The following VCAN variants were observed in gnomAD, a reference collection of about 807,000 sequenced individuals.
The protein encoded by VCAN is versican, also known as versican core protein.
Under a neutral mutation model 245.5 loss-of-function variants are expected in VCAN, and 44 were observed. That is an observed-to-expected ratio of 0.18 (90% confidence interval 0.14 to 0.23). The LOEUF (loss-of-function observed/expected upper bound fraction) is 0.23. Ranked by LOEUF, VCAN falls within the 10% of genes least tolerant of loss-of-function variation. The probability of loss-of-function intolerance (pLI) is 1.00; values close to 1 mark genes in which losing one functional copy is unlikely to be tolerated. For missense variants in VCAN, 3,793 were observed against 4,057.9 expected, an observed-to-expected ratio of 0.93 and a Z score of 1.77; for synonymous variants, 1,413 against 1,437.0, an observed-to-expected ratio of 0.98 and a Z score of 0.38.
intron 9 of VCAN, 49 bp downstream of exon 9, chr5:83,545,699 A>G (rs755160965): frequency 3.0e-6 from 4 of 1,346,556 alleles, no homozygotes; most frequent in Non-Finnish European, 4.3e-6. Flanking sequence ...CAGAAGATAT[A>G]TTGGGGGAGA....
chr5:83,546,086 A>G (rs969206828), intron 9 of VCAN, among the ~76,000 whole-genome samples: 1 of 152,130 alleles, frequency 6.6e-6, no homozygotes, highest in Non-Finnish European at 1.5e-5. Context: ...CTCATTTGGA[A>G]TGGGAAAGAC....
chr5:83,493,718 C>T lies in VCAN; in HGVS notation c.618C>T (p.Val206=). ...CAGGCTGGCTGGCTGATCAGACTGT[C>T]AGGTAAGAGGTCTGGGGGCCACAGG... ...CDAGWLADQT[V]RYPIRAPRVG... Residue 206 remains valine (V), a splice_region_variant and synonymous_variant, in exon 4 of 15, where the codon GTC becomes GTT. Transcript: ENST00000265077. 6.2e-7 allele frequency: 1 copy of T among 1,614,068 alleles called. No homozygotes were observed. Among genetic ancestry groups the T allele is most frequent in the South Asian group, 1.1e-5 (1 of 91,074 alleles).
chr5:83,501,784 C>G (rs1196265846), intron 5 of VCAN, among the ~76,000 whole-genome samples: 2 of 152,040 alleles, frequency 1.3e-5, no homozygotes, highest in Non-Finnish European at 2.9e-5. Context: ...TTCTTGAGTT[C>G]CCACATGAAT....
In VCAN at chr5:83,542,184, T is replaced by C. The variant is rs755899506; in HGVS notation, c.9181T>C (p.Ser3061Pro). 1.2e-6 allele frequency: 2 copies of C among 1,614,106 alleles called. No individual in the cohort carries two copies. The highest frequency in any genetic ancestry group is 1.1e-5 in the South Asian group (1 of 91,090). ...FNTEVATPPF[S>P]LLETSNETDF... The stretch of plus-strand genomic sequence containing the variant: ...TACTGAGGTTGCAACACCACCATTT[T>C]CCCTTCTGGAGACTTCTAATGAAAC... The change falls in exon 8 of 15, where the codon TCC becomes CCC. Residue 3061 changes from serine to proline, a missense_variant. Ser to Pro is a moderately conservative substitution (Grantham distance 74, BLOSUM62 -1). Around this residue, in one of 5 missense-constraint regions of VCAN, gnomAD observed 3,182 missense variants for 3,250.3 expected, o/e 0.98. Transcript: ENST00000265077.
At chr5:83,560,110 A>T (rs544432789) in intron 12 of VCAN, among the ~76,000 whole-genome samples, 19 of 152,224 alleles carry the variant, frequency 1.2e-4, no homozygotes, top group African/African-American at 4.6e-4. Flanking sequence ...ACTAGAAATG[A>T]TGACAATTTT....
At chr5:83,486,031 G>A (rs189312775) in intron 2 of VCAN, among the ~76,000 whole-genome samples, 3 of 152,206 alleles carry the variant, frequency 2.0e-5, no homozygotes, top group African/African-American at 4.8e-5. Flanking sequence ...CTACTGGGAG[G>A]GCTGAGGCAG....
At chr5:83,559,099 A>G (rs551838269) in intron 12 of VCAN, among the ~76,000 whole-genome samples, 1 of 152,266 alleles carries the variant, frequency 6.6e-6, no homozygotes, top group East Asian at 1.9e-4. Context: ...AACTTCACTA[A>G]TGAATTGCTT....
At position 83,541,487 on chromosome 5, in the gene VCAN, C is replaced by T. The variant is rs369510160; in HGVS notation, c.8484C>T (p.Pro2828=). The change falls in exon 8 of 15, where the codon CCC becomes CCT. Residue 2828 remains proline, a synonymous_variant. Transcript: ENST00000265077. ...AKLSSQTPSS[P]LTIYSGSEAS... ...TGTCTTCTCAGACACCATCATCTCC[C>T]CTCACTATCTACTCAGGCAGTGAAG... is the stretch of plus-strand genomic sequence containing the variant. 1.9e-6 allele frequency: 3 copies of T among 1,613,916 alleles called. No homozygotes were observed. The highest frequency in any genetic ancestry group is 2.7e-5 in the African/African-American group (2 of 74,900).
In VCAN at chr5:83,548,526, G is replaced by A. The variant is rs146700035; in HGVS notation, c.9493+442G>A. Reference sequence around the variant, plus strand: ...TTAGAATACATTTGCTTTGGCACATGCTAAGTAGAAGATATTGTGAATCTG... The same window carrying A: ...TTAGAATACATTTGCTTTGGCACATACTAAGTAGAAGATATTGTGAATCTG... On this transcript the variant is annotated intron_variant, in intron 10 of 14. Coordinates refer to ENST00000265077, the MANE Select transcript of VCAN (RefSeq NM_004385.5). 8.9e-3 allele frequency among the ~76,000 whole-genome samples: 1,350 copies of A among 152,282 alleles called. 30 individuals carry two copies. Among genetic ancestry groups the A allele is most frequent in the African/African-American group, 0.03 (1,263 of 41,548 alleles).
chr5:83,508,813 A>T (rs933096810), intron 5 of VCAN, among the ~76,000 whole-genome samples: 5 of 152,214 alleles, frequency 3.3e-5, no homozygotes, highest in African/African-American at 1.2e-4. Context: ...AATATGTTTT[A>T]TAAAAATTTT....
Position 83,483,088 on chromosome 5 carries a change from C to T in VCAN, c.-6-425C>T, listed in dbSNP as rs146780263. 4.6e-3 allele frequency among the ~76,000 whole-genome samples: 702 copies of T among 152,346 alleles called. 1 individual carries two copies. The highest frequency in any genetic ancestry group is 0.016 in the African/African-American group (666 of 41,576). ...ATCTTTCTCTATTGCTCCCCATCTT[C>T]TCTTGCTCTATTTATGATCAGCTGT... On this transcript the variant is annotated intron_variant, in intron 1 of 14. Transcript: ENST00000265077.
chr5:83,542,038 C>G lies in VCAN; in HGVS notation c.9035C>G (p.Pro3012Arg), dbSNP rs1747023775. Residue 3012 changes from proline to arginine, a missense_variant, in exon 8 of 15, where the codon CCT becomes CGT. Pro to Arg is a moderately radical substitution (Grantham distance 103, BLOSUM62 -2). This residue lies in a region of VCAN where 3,182 missense variants were observed against 3,250.3 expected (regional missense o/e 0.98). Coordinates refer to ENST00000265077, the MANE Select transcript of VCAN (RefSeq NM_004385.5). ...PTLSSSPEIN[P>R]ETQAALIRGQ... is the part of the protein sequence containing the mutation. Reference sequence around the variant, plus strand: ...CTTTCTTCTTCTCCAGAAATAAACCCTGAAACTCAAGCAGCTTTAATCAGA... The same window carrying G: ...CTTTCTTCTTCTCCAGAAATAAACCGTGAAACTCAAGCAGCTTTAATCAGA... 6.2e-7 allele frequency: 1 copy of G among 1,610,688 alleles called. No homozygotes were observed. Among genetic ancestry groups the G allele is most frequent in the East Asian group, 2.2e-5 (1 of 44,808 alleles).
chr5:83,493,424 T>A (rs1745046219), intron 3 of VCAN, 122 bp from the exon 4 acceptor site: 1 of 1,286,944 alleles, frequency 7.8e-7, no homozygotes, highest in East Asian at 2.5e-5. Flanking sequence ...TAAAAGTAAA[T>A]AATTATTATG....
intron 12 of VCAN, among the ~76,000 whole-genome samples, chr5:83,571,633 A>G (rs962619394): frequency 3.3e-5 from 5 of 152,170 alleles, no homozygotes; most frequent in Non-Finnish European, 5.9e-5. Context: ...TGATCTCAAC[A>G]TACATTACAC....
At chr5:83,523,198 G>A (rs2112415320) in intron 7 of VCAN, among the ~76,000 whole-genome samples, 1 of 152,206 alleles carries the variant, frequency 6.6e-6, no homozygotes, top group African/African-American at 2.4e-5. Context: ...CTAAAGGTGA[G>A]CCCACACCAT....
chr5:83,527,043 A>G (rs970650505), intron 7 of VCAN, among the ~76,000 whole-genome samples: 1 of 152,148 alleles, frequency 6.6e-6, no homozygotes, highest in African/African-American at 2.4e-5. Context: ...CTCTCTCCTG[A>G]TGAGCTCTGA....
chr5:83,541,322 A>G lies in VCAN; in HGVS notation c.8319A>G (p.Leu2773=). The G allele has an allele frequency of 3.1e-6, 5 of 1,614,132 alleles. No individual in the cohort carries two copies. The highest frequency in any genetic ancestry group is 2.2e-5 in the South Asian group (2 of 91,088). The change falls in exon 8 of 15, where the codon TTA becomes TTG. Residue 2773 remains leucine, a synonymous_variant. Transcript: ENST00000265077. ...PEFSSGAEEA[L]VDHTPYLSIA... is the part of the protein sequence containing the mutation. ...TCTCTTCAGGAGCTGAGGAGGCATT[A>G]GTAGACCATACTCCCTATCTAAGTA... is the stretch of plus-strand genomic sequence containing the variant.
intron 8 of VCAN, 30 bp downstream of exon 8, chr5:83,542,298 C>G (rs202086227): frequency 6.2e-7 from 1 of 1,602,784 alleles, no homozygotes; most frequent in Non-Finnish European, 8.5e-7. Context: ...AAATCTGTTT[C>G]CAAACCTGGA....
At chr5:83,500,446 C>T (rs1477983120) in intron 5 of VCAN, among the ~76,000 whole-genome samples, 2 of 152,100 alleles carry the variant, frequency 1.3e-5, no homozygotes, top group Non-Finnish European at 1.5e-5. Flanking sequence ...AGATGATGTC[C>T]TTATACAGTG....
Sources: gnomAD v4.1 joint callset for allele counts (sites outside exome capture counted in the v4.1 genomes callset) on GRCh38, gnomAD v4.1.1 for gene constraint, gnomAD v4.1.1 regional missense constraint, MANE v1.5 for transcripts, NCBI Gene and HGNC (gene_info 2026-07-23, HGNC 2026-07-21) for gene names.